KCNAB1: variants seen among roughly 807,000 people sequenced by gnomAD.
KCNAB1 encodes the protein potassium voltage-gated channel subfamily A regulatory beta subunit 1.
Under a neutral mutation model 64.6 loss-of-function variants are expected in KCNAB1, and 35 were observed. That is an observed-to-expected ratio of 0.54 (90% confidence interval 0.41 to 0.72). The LOEUF is 0.72. Ranked by LOEUF, KCNAB1 falls within the 30% of genes least tolerant of loss-of-function variation. KCNAB1 has a pLI of 0.00. For synonymous variants in KCNAB1, 177 were observed against 183.8 expected (o/e 0.96, Z 0.30); for missense variants, 401 against 512.9 (o/e 0.78, Z 2.11).
intron 1 of KCNAB1, among the ~76,000 whole-genome samples, chr3:156,396,805 A>G (rs1282042292): frequency 6.6e-6 from 1 of 152,260 alleles, no homozygotes; most frequent in Non-Finnish European, 1.5e-5. Flanking sequence ...TCAAGAAGTT[A>G]TACAAGCCAT....
At chr3:156,318,341 C>T (rs1722429494) in intron 1 of KCNAB1, among the ~76,000 whole-genome samples, 1 of 152,076 alleles carries the variant, frequency 6.6e-6, no homozygotes, top group African/African-American at 2.4e-5. Flanking sequence ...CACAAACTCA[C>T]AGGCCCACAG....
chr3:156,355,762 T>G (rs1387528605), intron 1 of KCNAB1, among the ~76,000 whole-genome samples: 4 of 152,124 alleles, frequency 2.6e-5, no homozygotes, highest in African/African-American at 4.8e-5. Context: ...TCAGATATTG[T>G]TTTTCCTCCC....
intron 1 of KCNAB1, among the ~76,000 whole-genome samples, chr3:156,405,581 T>A (rs1178619161): frequency 6.6e-6 from 1 of 152,238 alleles, no homozygotes; most frequent in Non-Finnish European, 1.5e-5. Context: ...CAACCACTAT[T>A]TTACCACCTA....
intron 1 of KCNAB1, among the ~76,000 whole-genome samples, chr3:156,376,682 A>G (rs1003400459): frequency 6.6e-6 from 1 of 152,248 alleles, no homozygotes; most frequent in Non-Finnish European, 1.5e-5. Context: ...ATGACTTTCA[A>G]TGAGCTTGGC....
chr3:156,435,706 C>T (rs1331190732), intron 2 of KCNAB1, among the ~76,000 whole-genome samples: 4 of 152,080 alleles, frequency 2.6e-5, no homozygotes, highest in Non-Finnish European at 5.9e-5. Context: ...GGAGAATGTA[C>T]AAAATCTGCA....
At chr3:156,245,958 T>C (rs1409595284) in intron 1 of KCNAB1, among the ~76,000 whole-genome samples, 1 of 100,472 alleles carries the variant, frequency 1.0e-5, no homozygotes, top group African/African-American at 3.9e-5. Context: ...TGATAGGTTA[T>C]TTTAATCAAT....
chr3:156,504,098 CTT>C (rs1716648813), intron 8 of KCNAB1, among the ~76,000 whole-genome samples: 1 of 152,108 alleles, frequency 6.6e-6, no homozygotes, highest in African/African-American at 2.4e-5. Flanking sequence ...TACCACTATT[CTT>C]TTCTCTGCTT....
chr3:156,209,559 A>G (rs1714887487), intron 1 of KCNAB1, among the ~76,000 whole-genome samples: 6 of 152,248 alleles, frequency 3.9e-5, no homozygotes. Context: ...TAGTTTAGAC[A>G]AAATATAGAC....
intron 1 of KCNAB1, among the ~76,000 whole-genome samples, chr3:156,344,321 G>T (rs1724334134): frequency 6.6e-6 from 1 of 152,170 alleles, no homozygotes; most frequent in East Asian, 1.9e-4. Flanking sequence ...CAACTTCTCA[G>T]CGCTGATTTT....
intron 10 of KCNAB1, among the ~76,000 whole-genome samples, chr3:156,515,756 A>G (rs1193494602): frequency 6.6e-6 from 1 of 152,242 alleles, no homozygotes; most frequent in Admixed American, 6.5e-5. Context: ...CATTAGGAAA[A>G]GATGAACAAG....
At chr3:156,201,851 A>G (rs1346384930) in intron 1 of KCNAB1, among the ~76,000 whole-genome samples, 1 of 152,150 alleles carries the variant, frequency 6.6e-6, no homozygotes, top group African/African-American at 2.4e-5. Flanking sequence ...CATGTCCATG[A>G]GGGCTGCTTT....
intron 1 of KCNAB1, among the ~76,000 whole-genome samples, chr3:156,134,993 CT>C (rs1714241609): frequency 1.3e-5 from 2 of 151,534 alleles, no homozygotes; most frequent in South Asian, 4.2e-4. Flanking sequence ...ATTTAGTTTT[CT>C]TTTTTCTTTT....
intron 1 of KCNAB1, among the ~76,000 whole-genome samples, chr3:156,213,340 C>T (rs13092781): frequency 0.12 from 18,035 of 151,920 alleles, 1,240 homozygotes; most frequent in Non-Finnish European, 0.15. Flanking sequence ...CCCTCAGCCT[C>T]TGGAGTAGCT....
At chr3:156,453,224 C>T (rs903602907) in intron 3 of KCNAB1, 2 of 264,164 alleles carry the variant, frequency 7.6e-6, no homozygotes, top group Non-Finnish European at 1.4e-5. Flanking sequence ...GATTGTATTG[C>T]TGTGATGTTG....
intron 1 of KCNAB1, among the ~76,000 whole-genome samples, chr3:156,171,734 C>T (rs935436965): frequency 5.9e-5 from 9 of 152,194 alleles, no homozygotes; most frequent in Admixed American, 1.3e-4. Flanking sequence ...AGAGTTAAAA[C>T]GCTACATGGC....
At chr3:156,197,540 G>A (rs1305455774) in intron 1 of KCNAB1, among the ~76,000 whole-genome samples, 2 of 152,114 alleles carry the variant, frequency 1.3e-5, no homozygotes, top group African/African-American at 4.8e-5. Context: ...TCTTGGGAGG[G>A]TGTATATATC....
rs999790555 is a variant in KCNAB1, at chr3:156,303,702, A to G, written c.276-117914A>G. On this transcript the variant is annotated intron_variant, in intron 1 of 13. Coordinates refer to ENST00000490337, the MANE Select transcript of KCNAB1 (RefSeq NM_172160.3). ...GGCATCATCTTTATATAGATAGGGC[A>G]GTGTATTTAGAGTCAACAGTGCACA... Among the ~76,000 whole-genome samples the G allele has an allele frequency of 4.6e-5, 7 of 152,308 alleles. 1 individual carries two copies. The highest frequency in any genetic ancestry group is 8.8e-5 in the Non-Finnish European group (6 of 68,014).
chr3:156,506,133 T>C (rs1716820749), intron 8 of KCNAB1, among the ~76,000 whole-genome samples: 1 of 152,264 alleles, frequency 6.6e-6, no homozygotes. Context: ...AGTTTGTTGT[T>C]ATCGTATAGA....
At position 156,333,770 on chromosome 3, in the gene KCNAB1, C is replaced by G. The variant is rs183150328; in HGVS notation, c.276-87846C>G. Among the ~76,000 whole-genome samples, 10 of 152,248 alleles carry G rather than the reference C, an allele frequency of 6.6e-5. No homozygotes were observed. The East Asian group carries it at 1.9e-3, about 29-fold the overall frequency. On this transcript the variant is annotated intron_variant, in intron 1 of 13. Coordinates refer to ENST00000490337, the MANE Select transcript of KCNAB1 (RefSeq NM_172160.3). ...ATAATGTTTGAGAATGCCTATTTGC[C>G]ACACTTTAGTAACTTTTTGATATTT...
Sources: gnomAD v4.1 joint callset for allele counts (sites outside exome capture counted in the v4.1 genomes callset) on GRCh38, gnomAD v4.1.1 for gene constraint, MANE v1.5 for transcripts, NCBI Gene and HGNC (gene_info 2026-07-23, HGNC 2026-07-21) for gene names.